The following TCF12 variants were observed in gnomAD, a reference collection of about 807,000 sequenced individuals.
TCF12 encodes the protein DNA-binding protein HTF4.
In TCF12, 45 loss-of-function variants were observed where a neutral mutation model predicts 86.0. That is an observed-to-expected ratio of 0.52 (90% confidence interval 0.41 to 0.67). The LOEUF (loss-of-function observed/expected upper bound fraction) is 0.67, where lower values mean the gene tolerates loss of function less well. Among genes scored for constraint, TCF12 ranks in the 30% least tolerant of loss-of-function variants. The probability of loss-of-function intolerance (pLI) is 0.00; values close to 1 mark genes in which losing one functional copy is unlikely to be tolerated. For synonymous variants in TCF12, 330 were observed against 299.6 expected (o/e 1.10, Z -1.05); for missense variants, 881 against 859.9 (o/e 1.02, Z -0.31).
chr15:57,192,122 A>C, intron 6 of TCF12, 36 bp from the exon 7 acceptor site: 1 of 1,608,870 alleles, frequency 6.2e-7, no homozygotes, highest in Non-Finnish European at 8.5e-7. Flanking sequence ...CAGTATCAGC[A>C]GGAAAATAAC....
chr15:57,137,286 C>T (rs540636326), intron 5 of TCF12, among the ~76,000 whole-genome samples: 4 of 152,052 alleles, frequency 2.6e-5, no homozygotes, highest in Non-Finnish European at 5.9e-5. Context: ...CCGGCCCTGG[C>T]AGTGTTTCTT....
chr15:57,165,822 C>T lies in TCF12; in HGVS notation c.326-580C>T, dbSNP rs144435947. On this transcript the variant is annotated intron_variant, in intron 5 of 20. Transcript: ENST00000333725. ...AAGTGCTGGGATTACAGGCGTGAGC[C>T]ACTGTGCCTGGCCCAATACTGTATT... Among the ~76,000 whole-genome samples, 893 of 152,256 alleles carry T rather than the reference C, an allele frequency of 5.9e-3. 12 individuals carry two copies. The highest frequency in any genetic ancestry group is 0.018 in the African/African-American group (729 of 41,528).
chr15:57,143,951 A>G (rs952631354), intron 5 of TCF12, among the ~76,000 whole-genome samples: 2 of 152,122 alleles, frequency 1.3e-5, no homozygotes, highest in Non-Finnish European at 2.9e-5. Flanking sequence ...TTTTTTGACA[A>G]TTGAGTTCTT....
chr15:57,086,728 C>T (rs1302653306), intron 4 of TCF12, among the ~76,000 whole-genome samples: 4 of 142,672 alleles, frequency 2.8e-5, no homozygotes, highest in Admixed American at 6.9e-5. Flanking sequence ...AAAAAAAAGG[C>T]CATTGAAAAG....
At chr15:57,123,827 G>A (rs1032137264) in intron 5 of TCF12, among the ~76,000 whole-genome samples, 15 of 151,934 alleles carry the variant, frequency 9.9e-5, no homozygotes, top group African/African-American at 2.4e-5. Context: ...GGGCCTGGTG[G>A]CAGGCGCCTG....
At chr15:57,259,764 A>G (rs1227812826) in intron 16 of TCF12, among the ~76,000 whole-genome samples, 2 of 152,172 alleles carry the variant, frequency 1.3e-5, no homozygotes, top group African/African-American at 4.8e-5. Context: ...ACCGAGTCCT[A>G]TCTGGCTGGC....
At chr15:57,225,043 TTC>T (rs2058802054) in intron 8 of TCF12, among the ~76,000 whole-genome samples, 2 of 152,100 alleles carry the variant, frequency 1.3e-5, no homozygotes, top group Admixed American at 1.3e-4. Context: ...TGTTGAAATA[TTC>T]TTAGATATTA....
chr15:57,010,774 T>C (rs1208643996), intron 3 of TCF12, among the ~76,000 whole-genome samples: 1 of 152,230 alleles, frequency 6.6e-6, no homozygotes, highest in Non-Finnish European at 1.5e-5. Context: ...AGAAAATGTT[T>C]GGAGACTCTT....
chr15:57,202,660 C>A (rs527578390), intron 8 of TCF12, among the ~76,000 whole-genome samples: 2 of 152,038 alleles, frequency 1.3e-5, no homozygotes, highest in Non-Finnish European at 2.9e-5. Flanking sequence ...TGGTCTCGAT[C>A]TCCCGACCTC....
intron 4 of TCF12, among the ~76,000 whole-genome samples, chr15:57,070,634 G>A (rs747221164): frequency 1.3e-5 from 2 of 152,146 alleles, no homozygotes; most frequent in Non-Finnish European, 2.9e-5. Context: ...CTTTAATTTT[G>A]TTTAGCGCTC....
At chr15:57,290,119 C>T (rs563386375), downstream of TCF12, among the ~76,000 whole-genome samples, 6 of 151,430 alleles carry the variant, frequency 4.0e-5, no homozygotes, top group Non-Finnish European at 5.9e-5. Context: ...CCAATGCGAG[C>T]GATACACAAG....
intron 3 of TCF12, among the ~76,000 whole-genome samples, chr15:56,945,237 T>C (rs548265239): frequency 1.3e-5 from 2 of 152,300 alleles, no homozygotes; most frequent in Non-Finnish European, 2.9e-5. Context: ...TATGTAGTCA[T>C]GTTTCTTCTT....
intron 3 of TCF12, among the ~76,000 whole-genome samples, chr15:56,961,497 C>T (rs2061751779): frequency 6.6e-6 from 1 of 152,178 alleles, no homozygotes; most frequent in African/African-American, 2.4e-5. Flanking sequence ...AGTCCAGTAT[C>T]TAGCACAGCA....
At chr15:57,265,388 G>A (rs1414316225) in intron 18 of TCF12, among the ~76,000 whole-genome samples, 1 of 152,064 alleles carries the variant, frequency 6.6e-6, no homozygotes, top group African/African-American at 2.4e-5. Context: ...ATGAGAGAGT[G>A]TGGGTGTATG....
At chr15:57,244,090 C>A (rs1479897916) in intron 13 of TCF12, among the ~76,000 whole-genome samples, 1 of 151,968 alleles carries the variant, frequency 6.6e-6, no homozygotes, top group Admixed American at 6.6e-5. Context: ...TGTTGCCCAG[C>A]CTAGTCTTGA....
intron 3 of TCF12, among the ~76,000 whole-genome samples, chr15:56,981,336 T>C (rs1464841173): frequency 6.6e-6 from 1 of 152,228 alleles, no homozygotes; most frequent in Non-Finnish European, 1.5e-5. Flanking sequence ...GATGAAGCCA[T>C]GCATTGATGC....
intron 3 of TCF12, among the ~76,000 whole-genome samples, chr15:57,040,893 T>C (rs967496137): frequency 1.3e-5 from 2 of 152,212 alleles, no homozygotes; most frequent in Non-Finnish European, 1.5e-5. Context: ...TCAAAATTTC[T>C]GCTTAAGTGC....
intron 18 of TCF12, among the ~76,000 whole-genome samples, chr15:57,270,670 C>T (rs1314310726): frequency 6.6e-6 from 1 of 152,196 alleles, no homozygotes; most frequent in East Asian, 1.9e-4. Context: ...TTCAGCCTTT[C>T]TGCTCTGGTT....
At chr15:56,925,123 T>C (rs569683125) in intron 3 of TCF12, among the ~76,000 whole-genome samples, 1 of 152,014 alleles carries the variant, frequency 6.6e-6, no homozygotes, top group African/African-American at 2.4e-5. Context: ...TGCTTGAACC[T>C]GGGAGGCAGA....
Sources: gnomAD v4.1 joint callset for allele counts (sites outside exome capture counted in the v4.1 genomes callset) on GRCh38, gnomAD v4.1.1 for gene constraint, MANE v1.5 for transcripts, NCBI Gene and HGNC (gene_info 2026-07-23, HGNC 2026-07-21) for gene names.